The following RHOH variants were observed in gnomAD, a reference collection of about 807,000 sequenced individuals.
RHOH encodes the protein ras homolog family member H.
In RHOH, 6 loss-of-function variants were observed where a neutral mutation model predicts 13.8. That is an observed-to-expected ratio of 0.44 (90% CI 0.24 to 0.86). The LOEUF is 0.86. RHOH is among the 40% of genes least tolerant of loss of function. The pLI is 0.24. For missense variants in RHOH, 147 were observed against 244.5 expected (o/e 0.60, Z 2.66); for synonymous variants, 117 against 103.0 (o/e 1.14, Z -0.82).
chr4:40,192,437 C>T (rs1722742490), upstream of RHOH, among the ~76,000 whole-genome samples: 1 of 152,170 alleles, frequency 6.6e-6, no homozygotes, highest in African/African-American at 2.4e-5. Context: ...GTAGATGACT[C>T]AAGTCTCAAG....
At chr4:40,238,302 C>A (rs1016292762) in intron 1 of RHOH, among the ~76,000 whole-genome samples, 8 of 152,168 alleles carry the variant, frequency 5.3e-5, no homozygotes, top group Admixed American at 3.3e-4. Flanking sequence ...AAGAGCAGGT[C>A]TTTCCAGCCA....
At chr4:40,207,250 T>C (rs975116321) in intron 1 of RHOH, among the ~76,000 whole-genome samples, 60 of 151,476 alleles carry the variant, frequency 4.0e-4, no homozygotes, top group Admixed American at 2.0e-3. Flanking sequence ...TCCTCCACGA[T>C]GTGCAAAATC....
At chr4:40,234,912 C>T (rs540736806) in intron 1 of RHOH, among the ~76,000 whole-genome samples, 2 of 152,028 alleles carry the variant, frequency 1.3e-5, no homozygotes, top group African/African-American at 4.8e-5. Flanking sequence ...ATCTTGCAAA[C>T]AAACTTTCAG....
chr4:40,229,920 AATTG>A (rs147163975), intron 1 of RHOH, among the ~76,000 whole-genome samples: 1,705 of 152,328 alleles, frequency 0.011, 22 homozygotes, highest in African/African-American at 0.038. Flanking sequence ...ACAATTGACA[AATTG>A]ATTGATAAAT....
At chr4:40,216,490 A>C (rs191098935) in intron 1 of RHOH, among the ~76,000 whole-genome samples, 1 of 152,124 alleles carries the variant, frequency 6.6e-6, no homozygotes, top group African/African-American at 2.4e-5. Context: ...AGAAACAAAA[A>C]ATAAAAACAT....
chr4:40,239,642 G>A (rs1386205645), intron 1 of RHOH, among the ~76,000 whole-genome samples: 1 of 152,168 alleles, frequency 6.6e-6, no homozygotes, highest in African/African-American at 2.4e-5. Context: ...ACTTTGGGAG[G>A]CCAAGGTGGG....
intron 1 of RHOH, among the ~76,000 whole-genome samples, chr4:40,212,955 C>G (rs969999308): frequency 3.9e-5 from 6 of 152,162 alleles, no homozygotes; most frequent in African/African-American, 1.2e-4. Flanking sequence ...GGGAAGGTTC[C>G]CCTAAACTGA....
chr4:40,233,840 C>T (rs6531766), intron 1 of RHOH, among the ~76,000 whole-genome samples: 95,272 of 151,718 alleles, frequency 0.63, 30,906 homozygotes, highest in Non-Finnish European at 0.7. Context: ...GCAGGAGAAT[C>T]GCTTGAACTT....
At chr4:40,231,148 G>T (rs1458787559) in intron 1 of RHOH, among the ~76,000 whole-genome samples, 1 of 152,062 alleles carries the variant, frequency 6.6e-6, no homozygotes, top group Non-Finnish European at 1.5e-5. Flanking sequence ...CACAGCTCTG[G>T]AATCTCCTGT....
chr4:40,211,897 C>G lies in RHOH; in HGVS notation c.-331+14597C>G, dbSNP rs141218206. ...TTATAATGTCAAAATCCTTCCTTCTCGAATTGTGATGGTCAAATGAAAAGC... is the reference window on the plus strand; with the variant it reads ...TTATAATGTCAAAATCCTTCCTTCTGGAATTGTGATGGTCAAATGAAAAGC... On this transcript the variant is annotated intron_variant, in intron 1 of 2. Coordinates refer to ENST00000381799, the MANE Select transcript of RHOH (RefSeq NM_004310.5). Among the ~76,000 whole-genome samples the G allele has an allele frequency of 2.0e-5, 3 of 152,170 alleles. No homozygotes were observed. In the South Asian group the frequency reaches 6.2e-4, roughly 32 times the overall value.
At chr4:40,206,907 A>G (rs1553933470) in intron 1 of RHOH, among the ~76,000 whole-genome samples, 1 of 152,156 alleles carries the variant, frequency 6.6e-6, no homozygotes, top group Non-Finnish European at 1.5e-5. Context: ...GTAAGTGTTT[A>G]TGTATTAAAA....
At chr4:40,223,767 GTTTTT>G (rs56144023) in intron 1 of RHOH, among the ~76,000 whole-genome samples, 2 of 83,924 alleles carry the variant, frequency 2.4e-5, no homozygotes, top group African/African-American at 1.0e-4. Flanking sequence ...AACATAACTT[GTTTTT>G]TTTTTTTTTT....
rs775224541 is a variant in RHOH, at chr4:40,243,501, G to A, written c.115G>A (p.Glu39Lys). 6 of 1,613,818 alleles carry A rather than the reference G, an allele frequency of 3.7e-6. No individual in the cohort carries two copies. Among genetic ancestry groups the A allele is most frequent in the South Asian group, 1.1e-5 (1 of 91,054 alleles). ...FPEAYKPTVY[E>K]NTGVDVFMDG... The stretch of plus-strand genomic sequence containing the variant: ...GGAGGCCTACAAGCCCACAGTGTAC[G>A]AGAACACAGGGGTGGACGTCTTCAT... Residue 39 changes from glutamate (E) to lysine (K), a missense_variant, in exon 3 of 3, where the codon GAG becomes AAG. Coordinates refer to ENST00000381799, the MANE Select transcript of RHOH (RefSeq NM_004310.5). This position sits in a 1 kb window ranked among gnomAD's most constrained non-coding sequence, Gnocchi z 6.2.
chr4:40,234,590 T>C (rs2109532468), intron 1 of RHOH, among the ~76,000 whole-genome samples: 1 of 152,258 alleles, frequency 6.6e-6, no homozygotes, highest in African/African-American at 2.4e-5. Flanking sequence ...CTTCAGAGCT[T>C]AATATGTTGA....
chr4:40,193,753 T>TC (rs1392274249), upstream of RHOH: 4 of 152,676 alleles, frequency 2.6e-5, no homozygotes, highest in African/African-American at 7.2e-5. Flanking sequence ...GAAAACCAGT[T>TC]CTTCAGAAGC....
At chr4:40,211,742 C>T (rs1725297096) in intron 1 of RHOH, among the ~76,000 whole-genome samples, 1 of 151,932 alleles carries the variant, frequency 6.6e-6, no homozygotes, top group South Asian at 2.1e-4. Flanking sequence ...TCTGATAGTT[C>T]CGTTAGTTTG....
chr4:40,207,486 G>C (rs1378440286), intron 1 of RHOH, among the ~76,000 whole-genome samples: 2 of 152,118 alleles, frequency 1.3e-5, no homozygotes, highest in Admixed American at 1.3e-4. Flanking sequence ...ATGGTTTTCA[G>C]GATGCAGCAG....
rs531322660 is a variant in RHOH at position 40,240,387 on chromosome 4, G to A, written c.-330-2327G>A. The A allele has an allele frequency of 7.9e-5, 12 of 152,504 alleles. No homozygotes were observed. The East Asian group carries it at 1.7e-3, about 22-fold the overall frequency. 9.4% of individuals were successfully genotyped at this position (152,504 alleles called of 1,614,324 possible). On this transcript the variant is annotated intron_variant, in intron 1 of 2. Transcript: ENST00000381799. ...CTAGCTACTTGGGAGGCTGAGGTGG[G>A]AAGATCACTTGGGAGGTGGAGGCTG... is the stretch of plus-strand genomic sequence containing the variant.
chr4:40,216,465 T>C (rs1312750149), intron 1 of RHOH, among the ~76,000 whole-genome samples: 1 of 151,832 alleles, frequency 6.6e-6, no homozygotes, highest in Non-Finnish European at 1.5e-5. Context: ...TGAGACTCCA[T>C]CTCAATAAAA....
Sources: allele counts gnomAD v4.1 joint callset (sites outside exome capture counted in the v4.1 genomes callset), GRCh38; gene constraint gnomAD v4.1.1; non-coding constraint Gnocchi (gnomAD v3.1); transcripts MANE v1.5; gene names NCBI Gene and HGNC (gene_info 2026-07-23, HGNC 2026-07-21).